PKD1L1: variants seen among roughly 807,000 people sequenced by gnomAD.
The protein encoded by PKD1L1 is polycystin-1-like protein 1.
PKD1L1 carries 236 observed loss-of-function variants against 323.4 expected under a neutral mutation model. That is an observed-to-expected ratio of 0.73 (90% CI 0.66 to 0.81). The LOEUF (loss-of-function observed/expected upper bound fraction) is 0.81, where lower values mean the gene tolerates loss of function less well. PKD1L1 is among the 40% of genes least tolerant of loss of function. The pLI, the probability that PKD1L1 is intolerant of heterozygous loss-of-function variation, is 0.00. For synonymous variants in PKD1L1, 1,344 were observed against 1,335.0 expected (o/e 1.01, Z -0.15); for missense variants, 3,320 against 3,508.0 (o/e 0.95, Z 1.35).
At chr7:47,830,785 G>A (rs969063988) in intron 42 of PKD1L1, among the ~76,000 whole-genome samples, 10 of 152,134 alleles carry the variant, frequency 6.6e-5, no homozygotes, top group African/African-American at 2.2e-4. Flanking sequence ...ACCATGTGCC[G>A]GAGTGACAGG....
In PKD1L1 at chr7:47,939,800, C is replaced by T. The variant is rs1156327551; in HGVS notation, c.285+393G>A. Among the ~76,000 whole-genome samples the T allele has an allele frequency of 5.3e-5, 8 of 151,790 alleles. No individual in the cohort carries two copies. The East Asian group carries it at 1.6e-3, about 29-fold the overall frequency. ...CTGGGGGACAGCACCCACTCCCCAC[C>T]CCGGGGATAGCCCCCACTCCCCGCT... On this transcript the variant is annotated intron_variant, in intron 3 of 56. Transcript: ENST00000289672.
At chr7:47,942,153 G>A (rs929474402) in intron 2 of PKD1L1, among the ~76,000 whole-genome samples, 3 of 152,008 alleles carry the variant, frequency 2.0e-5, no homozygotes, top group African/African-American at 4.8e-5. Flanking sequence ...TTGTTTTCTC[G>A]TCTTCCCTGC....
intron 56 of PKD1L1, among the ~76,000 whole-genome samples, chr7:47,781,041 C>T (rs117123876): frequency 0.017 from 2,591 of 152,248 alleles, 41 homozygotes; most frequent in Middle Eastern, 0.037. Context: ...GTGATGTGGT[C>T]TTTGCATTCT....
At chr7:47,793,003 G>A (rs890372127) in intron 55 of PKD1L1, among the ~76,000 whole-genome samples, 15 of 150,838 alleles carry the variant, frequency 9.9e-5, no homozygotes, top group South Asian at 2.1e-4. Flanking sequence ...AATAATGTAC[G>A]TATACAGATA....
intron 1 of PKD1L1, among the ~76,000 whole-genome samples, chr7:47,944,258 G>A (rs996842438): frequency 6.6e-6 from 1 of 152,022 alleles, no homozygotes; most frequent in Non-Finnish European, 1.5e-5. Context: ...AAAGTGTGTG[G>A]TATCTCCTCC....
At position 47,932,019 on chromosome 7, in the gene PKD1L1, A is replaced by G; in HGVS notation, c.436T>C (p.Trp146Arg). The change falls in exon 5 of 57, where the codon TGG becomes CGG. Residue 146 changes from tryptophan (W) to arginine (R), a missense_variant. Coordinates refer to ENST00000289672, the MANE Select transcript of PKD1L1 (RefSeq NM_138295.5). ...HKPFIIIARAWSSGGPRFHHR... is the reference protein window; with the variant it reads ...HKPFIIIARARSSGGPRFHHR... Reference sequence around the variant, plus strand: ...TGGAACCTGGGGCCACCACTGCTCCAGGCCCTTGCGATTATAATGAAAGGT... The same window carrying G: ...TGGAACCTGGGGCCACCACTGCTCCGGGCCCTTGCGATTATAATGAAAGGT... 1 of 1,613,740 alleles carries G rather than the reference A, an allele frequency of 6.2e-7. No homozygotes were observed.
intron 13 of PKD1L1, among the ~76,000 whole-genome samples, chr7:47,898,968 A>G (rs1231682033): frequency 6.6e-6 from 1 of 152,108 alleles, no homozygotes; most frequent in Non-Finnish European, 1.5e-5. Flanking sequence ...CCTAAACTAT[A>G]GTTTGGTCAG....
At chr7:47,838,937 G>A (rs1208816248) in intron 36 of PKD1L1, among the ~76,000 whole-genome samples, 1 of 149,176 alleles carries the variant, frequency 6.7e-6, no homozygotes, top group Non-Finnish European at 1.5e-5. Flanking sequence ...CATCACAATT[G>A]TATGAAATGT....
the PKD1L1 span, among the ~76,000 whole-genome samples, chr7:47,955,334 A>C: frequency 2.6e-5 from 4 of 152,250 alleles, no homozygotes; most frequent in South Asian, 2.1e-4. Context: ...TGAATGTGTA[A>C]GGCACTCAAG....
In PKD1L1 at chr7:47,833,099, G is replaced by C; in HGVS notation, c.6328C>G (p.His2110Asp). 6.2e-7 allele frequency: 1 copy of C among 1,610,900 alleles called. No homozygotes were observed. Among genetic ancestry groups the C allele is most frequent in the South Asian group, 1.1e-5 (1 of 90,096 alleles). ...LMGKSHCCPP[H>D]TQAPSSGLEG... The stretch of plus-strand genomic sequence containing the variant: ...TGCAAGCCACAGTTACCTTGAGTGT[G>C]GGGAGGGCAGCAGTGGCTTTTCCCC... Residue 2110 changes from histidine to aspartate, a missense_variant, in exon 41 of 57, where the codon CAC becomes GAC. Physicochemically the swap from His to Asp is moderately conservative, Grantham distance 81. Transcript: ENST00000289672.
intron 16 of PKD1L1, among the ~76,000 whole-genome samples, chr7:47,888,592 T>C (rs76606157): frequency 0.053 from 8,006 of 152,248 alleles, 543 homozygotes; most frequent in African/African-American, 0.16. Flanking sequence ...CCTCCCAAAC[T>C]TTCCCCGTGG....
At chr7:47,904,824 T>C (rs1787168588) in intron 11 of PKD1L1, among the ~76,000 whole-genome samples, 1 of 152,314 alleles carries the variant, frequency 6.6e-6, no homozygotes, top group South Asian at 2.1e-4. Flanking sequence ...CTCTTCATTA[T>C]TTAATTCATT....
intron 41 of PKD1L1, among the ~76,000 whole-genome samples, chr7:47,832,553 C>T (rs1452179641): frequency 1.3e-5 from 2 of 152,184 alleles, no homozygotes; most frequent in Non-Finnish European, 2.9e-5. Flanking sequence ...TGAGCTGGAG[C>T]CTCGAGAAAA....
intron 7 of PKD1L1, among the ~76,000 whole-genome samples, chr7:47,916,110 G>C (rs1214802383): frequency 6.6e-6 from 1 of 152,144 alleles, no homozygotes; most frequent in Non-Finnish European, 1.5e-5. Flanking sequence ...TGATATCAAA[G>C]ACCAAAACTA....
chr7:47,857,843 G>A lies in PKD1L1; in HGVS notation c.4363-11C>T. 2 of 1,610,526 alleles carry A rather than the reference G, an allele frequency of 1.2e-6. No homozygotes were observed. The highest frequency in any genetic ancestry group is 1.7e-6 in the Non-Finnish European group (2 of 1,176,988). ...CAAAGAGAGACAACCCTGAAACATA[G>A]AGCATAGGGAGTGGGATGTTTATAA... On this transcript the variant is annotated splice_polypyrimidine_tract_variant and intron_variant, in intron 27 of 56. Coordinates refer to ENST00000289672, the MANE Select transcript of PKD1L1 (RefSeq NM_138295.5).
rs1434994959 is a variant in PKD1L1, at chr7:47,904,446, G to C, written c.1863C>G (p.Ala621=). Reference sequence around the variant, plus strand: ...TGCCATCCCCAAAGTCCCACAGGTAGGCAACATCTGTGCCGAAGTTGATCC... The same window carrying C: ...TGCCATCCCCAAAGTCCCACAGGTACGCAACATCTGTGCCGAAGTTGATCC... ...ECWINFGTDV[A]YLWDFGDGTV... The change falls in exon 12 of 57, where the codon GCC becomes GCG. Residue 621 remains alanine, a synonymous_variant. Coordinates refer to ENST00000289672, the MANE Select transcript of PKD1L1 (RefSeq NM_138295.5). The C allele has an allele frequency of 6.2e-7, 1 of 1,614,158 alleles. No individual in the cohort carries two copies. Among genetic ancestry groups the C allele is most frequent in the Non-Finnish European group, 8.5e-7 (1 of 1,180,040 alleles).
At chr7:47,894,795 T>C (rs544166787) in intron 14 of PKD1L1, among the ~76,000 whole-genome samples, 1 of 150,500 alleles carries the variant, frequency 6.6e-6, no homozygotes, top group Non-Finnish European at 1.5e-5. Context: ...GAGGGGGAGG[T>C]TGCAGTGAGC....
intron 8 of PKD1L1, among the ~76,000 whole-genome samples, chr7:47,911,928 GA>G (rs371999617): frequency 0.023 from 2,229 of 95,086 alleles, 53 homozygotes; most frequent in African/African-American, 0.077. Context: ...ATGCTGTGAA[GA>G]AAAAAAAAAA....
chr7:47,816,900 C>G (rs1785030709), intron 46 of PKD1L1, among the ~76,000 whole-genome samples: 2 of 152,196 alleles, frequency 1.3e-5, no homozygotes, highest in African/African-American at 2.4e-5. Context: ...TGCACAACTC[C>G]TCCCAACTCC....
Sources: gnomAD v4.1 joint callset for allele counts (sites outside exome capture counted in the v4.1 genomes callset) on GRCh38, gnomAD v4.1.1 for gene constraint, MANE v1.5 for transcripts, NCBI Gene and HGNC (gene_info 2026-07-23, HGNC 2026-07-21) for gene names.